SFTPB: variants seen among roughly 807,000 people sequenced by gnomAD.
The protein encoded by SFTPB is pulmonary surfactant-associated protein B.
A neutral mutation model predicts 51.0 loss-of-function variants in SFTPB; 32 were observed. The ratio of observed to expected loss-of-function variants is 0.63; its 90% CI spans 0.47 to 0.84. The LOEUF (loss-of-function observed/expected upper bound fraction) is 0.84, where lower values mean the gene tolerates loss of function less well. SFTPB is among the 40% of genes least tolerant of loss of function. The pLI is 0.00. For synonymous variants in SFTPB, 211 were observed against 208.5 expected, an observed-to-expected ratio of 1.01 and a Z score of -0.10; for missense variants, 431 against 491.2, an observed-to-expected ratio of 0.88 and a Z score of 1.16.
At chr2:85,662,827 CA>C (rs1677374984) in intron 8 of SFTPB, among the ~76,000 whole-genome samples, 1 of 74,618 alleles carries the variant, frequency 1.3e-5, no homozygotes, top group Non-Finnish European at 2.5e-5. Context: ...GCAACAAGAG[CA>C]AAACTCCATC....
In SFTPB at chr2:85,668,140, G is replaced by C; in HGVS notation, c.44C>G (p.Pro15Arg). The change falls in exon 1 of 11, where the codon CCC (proline) becomes CGC (arginine). Residue 15 changes from proline (P) to arginine (R), a missense_variant. Pro to Arg is a moderately radical substitution (Grantham distance 103). Coordinates refer to ENST00000519937, the MANE Select transcript of SFTPB (RefSeq NM_000542.5). The stretch of plus-strand genomic sequence containing the variant: ...ACCAGTGCCTGGGCCACAGAGCGTG[G>C]GCAGCAGCAGCAGCAGCCACTGCAG... ...HLLQWLLLLL[P>R]TLCGPGTAAW... is the part of the protein sequence containing the mutation. 1 of 1,550,684 alleles carries C rather than the reference G, an allele frequency of 6.4e-7. No individual in the cohort carries two copies. Among genetic ancestry groups the C allele is most frequent in the Non-Finnish European group, 8.7e-7 (1 of 1,146,438 alleles).
rs1677179171 is a variant in SFTPB at position 85,659,303 on chromosome 2, G to A, written c.*399C>T. On this transcript the variant is annotated 3_prime_UTR_variant, in exon 11 of 11. Transcript: ENST00000519937. ...ATCCAATCTTTGAGTGCATGGGGGT[G>A]GGTGTGAGGCGGGGCTCAGCTTCAA... The A allele has an allele frequency of 6.6e-6, 1 of 152,228 alleles. No homozygotes were observed. The highest frequency in any genetic ancestry group is 2.1e-4 in the South Asian group (1 of 4,830). The allele number at this position is 152,228 out of a possible 1,614,324, so 9.4% of individuals were successfully genotyped here.
In SFTPB at chr2:85,659,098, A is replaced by C. The variant is rs554205820; in HGVS notation, c.*604T>G. The C allele has an allele frequency of 6.6e-6, 1 of 152,268 alleles. No individual in the cohort carries two copies. Among genetic ancestry groups the C allele is most frequent in the African/African-American group, 2.4e-5 (1 of 41,558 alleles). The allele number at this position is 152,268 out of a possible 1,614,324, so 9.4% of individuals were successfully genotyped here. A position where few individuals can be genotyped will look rare whatever the true frequency, so the allele number is the denominator to read the frequency against. ...CAAGCAGCAGAGCATCTCGAGGAAG[A>C]AAGCTTGCCCGGTCGCCATCCCATC... is the stretch of plus-strand genomic sequence containing the variant. On this transcript the variant is annotated 3_prime_UTR_variant, in exon 11 of 11. Coordinates refer to ENST00000519937, the MANE Select transcript of SFTPB (RefSeq NM_000542.5).
Position 85,666,641 on chromosome 2 carries a change from G to A in SFTPB, c.369C>T (p.Val123=). ...NQVLDDYFPL[V]IDYFQNQTDS... ...CAGTCTGGTTCTGGAAGTAGTCGAT[G>A]ACCAGGGGGAAGTAGTCGTCAAGCA... is the stretch of plus-strand genomic sequence containing the variant. The change falls in exon 4 of 11, where the codon GTC becomes GTT. Residue 123 remains valine (V), a synonymous_variant. Coordinates refer to ENST00000519937, the MANE Select transcript of SFTPB (RefSeq NM_000542.5). 1 of 1,613,716 alleles carries A rather than the reference G, an allele frequency of 6.2e-7. No individual in the cohort carries two copies. Among genetic ancestry groups the A allele is most frequent in the Non-Finnish European group, 8.5e-7 (1 of 1,179,790 alleles).
intron 2 of SFTPB, 80 bp from the exon 3 acceptor site, chr2:85,667,257 A>G: frequency 9.8e-7 from 1 of 1,021,006 alleles, no homozygotes; most frequent in Non-Finnish European, 1.6e-6. Flanking sequence ...TCTCTTAGGA[A>G]GAGGCCAACA....
intron 4 of SFTPB, among the ~76,000 whole-genome samples, chr2:85,666,273 G>GT (rs1677597796): frequency 1.2e-4 from 17 of 146,060 alleles, no homozygotes; most frequent in African/African-American, 4.0e-4. Flanking sequence ...GGTACTGTGT[G>GT]GGTATGTGTC....
chr2:85,660,499 G>A (rs1677238032), intron 10 of SFTPB, among the ~76,000 whole-genome samples: 1 of 135,330 alleles, frequency 7.4e-6, no homozygotes, highest in Non-Finnish European at 1.5e-5. Context: ...GCCTAGGCTA[G>A]AGTGCAGTGG....
chr2:85,660,122 C>CTTT (rs34073715), intron 10 of SFTPB, among the ~76,000 whole-genome samples: 4 of 135,168 alleles, frequency 3.0e-5, no homozygotes, highest in Admixed American at 7.5e-5. Context: ...GCACCCACTA[C>CTTT]TTTTTTTTTT....
chr2:85,662,368 C>G (rs1677350622), intron 8 of SFTPB: 1 of 1,084,534 alleles, frequency 9.2e-7, no homozygotes, highest in Admixed American at 3.2e-5. Flanking sequence ...ACCACCCTCC[C>G]CTCCCTCCAC....
rs1130866 is a variant in SFTPB at position 85,666,618 on chromosome 2, G to A, written c.392C>T (p.Thr131Ile). 833,464 of 1,612,412 alleles carry A rather than the reference G, an allele frequency of 0.52. 220,173 individuals carry two copies. Among genetic ancestry groups the A allele is most frequent in the African/African-American group, 0.75 (56,151 of 74,742 alleles). The part of the protein sequence containing the change: ...PLVIDYFQNQ[T>I]DSNGICMHLG... The stretch of plus-strand genomic sequence containing the variant: ...AGGAGGTGAGCTTGCAGCCCTCACA[G>A]TCTGGTTCTGGAAGTAGTCGATGAC... Residue 131 changes from threonine to isoleucine, a missense_variant and splice_region_variant, in exon 4 of 11, where the codon ACT (threonine) becomes ATT (isoleucine). Thr to Ile is a moderately conservative substitution (Grantham distance 89). Transcript: ENST00000519937.
Position 85,663,546 on chromosome 2 carries a change from T to C in SFTPB, c.857-55A>G, listed in dbSNP as rs1014350399. 11 of 1,606,742 alleles carry C rather than the reference T, an allele frequency of 6.8e-6. No homozygotes were observed. In the African/African-American group the frequency reaches 9.4e-5, roughly 14 times the overall value. On this transcript the variant is annotated intron_variant, in intron 7 of 10. Transcript: ENST00000519937. The stretch of plus-strand genomic sequence containing the variant: ...GGCAAGGCCACCCTACAGAGGTGTT[T>C]GGTTTCTGTCCTCCTTGGTGCATTG...
At chr2:85,668,205 C>T, upstream of SFTPB, 1 of 1,550,750 alleles carries the variant, frequency 6.4e-7, no homozygotes, top group Non-Finnish European at 8.7e-7. Flanking sequence ...AGCCTGGGTA[C>T]CCTGCTTGGT....
intron 10 of SFTPB, among the ~76,000 whole-genome samples, chr2:85,659,894 A>G (rs1677201947): frequency 6.6e-6 from 1 of 152,204 alleles, no homozygotes; most frequent in South Asian, 2.1e-4. Flanking sequence ...CCCAGCTGTC[A>G]TCACTGGGGC....
rs1403793073 is a variant in SFTPB at position 85,667,806 on chromosome 2, G to T, written c.68C>A (p.Ala23Asp). 6.2e-7 allele frequency: 1 copy of T among 1,614,266 alleles called. No individual in the cohort carries two copies. The highest frequency in any genetic ancestry group is 1.1e-5 in the South Asian group (1 of 91,090). ...GGCCAAGGATGAGGTGGTCCAGGCA[G>T]CTGTGGTTTGGGGCCAGAGCAACCT... ...LLPTLCGPGT[A>D]AWTTSSLACA... The change falls in exon 2 of 11, where the codon GCT (alanine) becomes GAT (aspartate). Residue 23 changes from alanine (A) to aspartate (D), a missense_variant and splice_region_variant. By Grantham distance (126) the Ala-to-Asp change is moderately radical. Transcript: ENST00000519937.
At chr2:85,666,294 GC>G (rs1458788244) in intron 4 of SFTPB, among the ~76,000 whole-genome samples, 203 of 137,004 alleles carry the variant, frequency 1.5e-3, no homozygotes, top group Admixed American at 1.9e-3. Context: ...TGGATGGAGT[GC>G]TGTGTGTGTG....
chr2:85,665,449 C>G, intron 5 of SFTPB, 71 bp from the exon 6 acceptor site: 1 of 1,454,910 alleles, frequency 6.9e-7, no homozygotes, highest in South Asian at 1.1e-5. Flanking sequence ...CCTCCCCTCT[C>G]TCTTCCTCCC....
At position 85,666,706 on chromosome 2, in the gene SFTPB, C is replaced by G. The variant is rs767270671; in HGVS notation, c.304G>C (p.Val102Leu). 3.1e-6 allele frequency: 5 copies of G among 1,613,646 alleles called. No individual in the cohort carries two copies. In the East Asian group the frequency reaches 1.1e-4, roughly 36 times the overall value. ...GGCATGAGCAGCTTCAAGGGGAGGACGTTGCACTCCTGCTCCAGGAACTTC... is the reference window on the plus strand; with the variant it reads ...GGCATGAGCAGCTTCAAGGGGAGGAGGTTGCACTCCTGCTCCAGGAACTTC... ...MRKFLEQECN[V>L]LPLKLLMPQC... Residue 102 changes from valine (V) to leucine (L), a missense_variant, in exon 4 of 11, where the codon GTC (valine) becomes CTC (leucine). Val to Leu is a conservative substitution (Grantham distance 32). Coordinates refer to ENST00000519937, the MANE Select transcript of SFTPB (RefSeq NM_000542.5).
Position 85,665,608 on chromosome 2 carries a change from GT to G in SFTPB, c.579del (p.Gln194ArgfsTer21). On this transcript the variant is annotated frameshift_variant, in exon 5 of 11. Coordinates refer to ENST00000519937, the MANE Select transcript of SFTPB (RefSeq NM_000542.5). LOFTEE classifies it high-confidence loss of function. ...GALQARPGPH[T>X]QDLSEQQFPI... is the part of the protein sequence containing the mutation. ...CTGGCTGTGGGGGCCTCCCTCACCTGTGTGTGAGGCCCAGGCCTCGCCTGGA... is the reference window on the plus strand; with the variant it reads ...CTGGCTGTGGGGGCCTCCCTCACCTGGTGTGAGGCCCAGGCCTCGCCTGGA... 1 of 1,613,498 alleles carries G rather than the reference GT, an allele frequency of 6.2e-7. No homozygotes were observed. Among genetic ancestry groups the G allele is most frequent in the Admixed American group, 1.7e-5 (1 of 60,026 alleles).
At chr2:85,666,423 T>TTGTG (rs34334231) in intron 4 of SFTPB, 194 bp downstream of exon 4, 4,803 of 419,192 alleles carry the variant, frequency 0.011, 45 homozygotes, top group Admixed American at 0.071. Context: ...AGCTGGGGTG[T>TTGTG]TGTGTGTGTG....
Sources: allele counts gnomAD v4.1 joint callset (sites outside exome capture counted in the v4.1 genomes callset), GRCh38; gene constraint gnomAD v4.1.1; transcripts MANE v1.5; gene names NCBI Gene and HGNC (gene_info 2026-07-23, HGNC 2026-07-21).